Variants in GTF2A2 observed in about 807,000 individuals in gnomAD.
GTF2A2 encodes general transcription factor IIA subunit 2.
A neutral mutation model predicts 14.3 loss-of-function variants in GTF2A2; 9 were observed. The observed-to-expected ratio is 0.63, with a 90% CI of 0.38 to 1.10. The LOEUF (loss-of-function observed/expected upper bound fraction) is 1.10, where lower values mean the gene tolerates loss of function less well. Ranked by LOEUF, GTF2A2 falls within the 50% of genes least tolerant of loss-of-function variation. The pLI is 0.01. For missense variants in GTF2A2, 90 were observed against 124.6 expected (o/e 0.72, Z 1.32); for synonymous variants, 56 against 46.0 (o/e 1.22, Z -0.88).
intron 3 of GTF2A2, among the ~76,000 whole-genome samples, chr15:59,650,441 GA>G (rs1218685488): frequency 6.6e-6 from 1 of 152,122 alleles, no homozygotes; most frequent in East Asian, 1.9e-4. Context: ...GCTGATTTGT[GA>G]AACAATGAAA....
intron 3 of GTF2A2, among the ~76,000 whole-genome samples, chr15:59,643,261 G>A (rs1216980443): frequency 6.6e-6 from 1 of 151,300 alleles, no homozygotes; most frequent in Non-Finnish European, 1.5e-5. Context: ...TGTATTTTTA[G>A]TAGAGACAGG....
intron 1 of GTF2A2, among the ~76,000 whole-genome samples, chr15:59,656,659 T>C (rs1475444059): frequency 6.6e-6 from 1 of 151,514 alleles, no homozygotes; most frequent in African/African-American, 2.4e-5. Flanking sequence ...GGAGAGGGGG[T>C]TAAAAAGGGC....
chr15:59,655,703 A>G (rs1891922906), intron 1 of GTF2A2, among the ~76,000 whole-genome samples: 1 of 152,204 alleles, frequency 6.6e-6, no homozygotes, highest in Non-Finnish European at 1.5e-5. Flanking sequence ...AAATTCATAT[A>G]GCATAGAACT....
intron 3 of GTF2A2, among the ~76,000 whole-genome samples, chr15:59,647,468 A>G (rs9806322): frequency 0.97 from 147,558 of 152,316 alleles, 71,652 homozygotes; most frequent in East Asian, 1. Flanking sequence ...TAAGATATTT[A>G]GCTTTGGTCA....
chr15:59,644,586 T>A (rs1390150970), intron 3 of GTF2A2, among the ~76,000 whole-genome samples: 4 of 152,178 alleles, frequency 2.6e-5, no homozygotes. Flanking sequence ...ATACGTAGTA[T>A]AACAGTGCTA....
At chr15:59,651,953 G>A (rs1891806456) in intron 2 of GTF2A2, 1 of 327,486 alleles carries the variant, frequency 3.1e-6, no homozygotes, top group Admixed American at 4.6e-5. Flanking sequence ...TAAAGTGCTG[G>A]GATTAGAGGC....
chr15:59,642,306 C>T, intron 3 of GTF2A2, 44 bp from the exon 4 acceptor site: 2 of 1,530,454 alleles, frequency 1.3e-6, no homozygotes, highest in African/African-American at 1.4e-5. Context: ...CGTTTTTTCC[C>T]CTCACATTTT....
chr15:59,639,186 A>AGTAAATTCAAGGAGCAATTTAAT, intron 4 of GTF2A2, 29 bp from the exon 5 acceptor site: 1 of 1,298,044 alleles, frequency 7.7e-7, no homozygotes, highest in South Asian at 1.2e-5. Flanking sequence ...AGTAAAGTAA[A>AGTAAATTCAAGGAGCAATTTAAT]GTAAATTCAA....
chr15:59,648,703 G>A (rs867294140), intron 3 of GTF2A2, among the ~76,000 whole-genome samples: 1 of 152,074 alleles, frequency 6.6e-6, no homozygotes, highest in South Asian at 2.1e-4. Flanking sequence ...GGGAGGTCGA[G>A]GTGGGCAGAT....
At chr15:59,652,426 G>C in intron 1 of GTF2A2, 100 bp from the exon 2 acceptor site, 1 of 570,022 alleles carries the variant, frequency 1.8e-6, no homozygotes, top group East Asian at 3.0e-5. Context: ...ATAGAACTAG[G>C]AGAACGCTTA....
chr15:59,639,921 TTGTATTTTTAGTAGAGA>T (rs1441180168), intron 4 of GTF2A2, among the ~76,000 whole-genome samples: 1 of 152,118 alleles, frequency 6.6e-6, no homozygotes, highest in East Asian at 1.9e-4. Context: ...TGGCTAATTT[TTGTATTTTTAGTAGAGA>T]TGGAGTTTCA....
In GTF2A2 at chr15:59,638,968, T is replaced by TG. The variant is rs1238905172; in HGVS notation, c.*163dup. On this transcript the variant is annotated 3_prime_UTR_variant, in exon 5 of 5. Coordinates refer to ENST00000396060, the MANE Select transcript of GTF2A2 (RefSeq NM_004492.3). ...TTTTCATGCTGTATAATAAAGGTGA[T>TG]GTAAGAGGCTACAGAGTTACAAGTT... The TG allele has an allele frequency of 2.8e-4, 169 of 606,288 alleles. No individual in the cohort carries two copies. The African/African-American group carries it at 2.8e-3, about 10-fold the overall frequency. 37.6% of individuals were successfully genotyped at this position (606,288 alleles called of 1,614,324 possible).
At chr15:59,646,965 T>C (rs557098357) in intron 3 of GTF2A2, among the ~76,000 whole-genome samples, 2 of 149,808 alleles carry the variant, frequency 1.3e-5, no homozygotes, top group East Asian at 3.9e-4. Context: ...ATCTTAAGTA[T>C]AGTATAAAAA....
chr15:59,657,103 T>C (rs1435207108), intron 1 of GTF2A2: 1 of 152,240 alleles, frequency 6.6e-6, no homozygotes, highest in African/African-American at 2.4e-5. Flanking sequence ...AGGGCGCTAG[T>C]GGATGCTTTA....
At chr15:59,654,967 T>G (rs1375313107) in intron 1 of GTF2A2, among the ~76,000 whole-genome samples, 2 of 152,196 alleles carry the variant, frequency 1.3e-5, no homozygotes, top group South Asian at 2.1e-4. Context: ...TTTGGAGCAT[T>G]TTGAATTTGG....
At position 59,650,600 on chromosome 15, in the gene GTF2A2, G is replaced by T. The variant is rs1310781754; in HGVS notation, c.177+69C>A. On this transcript the variant is annotated intron_variant, in intron 3 of 4. Coordinates refer to ENST00000396060, the MANE Select transcript of GTF2A2 (RefSeq NM_004492.3). ...TCTTATGATTAATAAATATGTAGGG[G>T]TCCTAAAAAAAAATCAGTGTTTTAA... 7.2e-6 allele frequency: 6 copies of T among 831,570 alleles called. No individual in the cohort carries two copies. In the East Asian group the frequency reaches 9.8e-5, roughly 14 times the overall value. 51.5% of individuals were successfully genotyped at this position (831,570 alleles called of 1,614,324 possible).
At chr15:59,653,387 C>T (rs1271205059) in intron 1 of GTF2A2, among the ~76,000 whole-genome samples, 2 of 152,152 alleles carry the variant, frequency 1.3e-5, no homozygotes, top group Admixed American at 6.5e-5. Context: ...AAAATAATGG[C>T]CAGCCATCAG....
At position 59,650,740 on chromosome 15, in the gene GTF2A2, C is replaced by T. The variant is rs1238834765; in HGVS notation, c.106G>A (p.Val36Ile). The change falls in exon 3 of 5, where the codon GTT becomes ATT. Residue 36 changes from valine to isoleucine, a missense_variant. Transcript: ENST00000396060. ...ATAGCCTTATCAAACTGAAGTAGAA[C>T]TTGAAGGGCAAGTTGGGGGGTGATC... Reference protein sequence around the residue: ...QQITPQLALQVLLQFDKAINA... With the variant: ...QQITPQLALQILLQFDKAINA... 1.2e-6 allele frequency: 2 copies of T among 1,610,406 alleles called. No individual in the cohort carries two copies. The highest frequency in any genetic ancestry group is 8.5e-7 in the Non-Finnish European group (1 of 1,176,792).
intron 3 of GTF2A2, among the ~76,000 whole-genome samples, chr15:59,643,061 T>C (rs1458600261): frequency 7.7e-5 from 11 of 142,234 alleles, no homozygotes. Context: ...CCACCGCGCC[T>C]GGCCTATATA....
Sources: gnomAD v4.1 joint callset for allele counts (sites outside exome capture counted in the v4.1 genomes callset) on GRCh38, gnomAD v4.1.1 for gene constraint, MANE v1.5 for transcripts, NCBI Gene and HGNC (gene_info 2026-07-23, HGNC 2026-07-21) for gene names.